RNF220: variants seen among roughly 807,000 people sequenced by gnomAD.
RNF220 encodes the protein E3 ubiquitin-protein ligase RNF220.
Under a neutral mutation model 67.1 loss-of-function variants are expected in RNF220, and 7 were observed. The ratio of observed to expected loss-of-function variants is 0.10; its 90% CI spans 0.06 to 0.20. The LOEUF (loss-of-function observed/expected upper bound fraction) is 0.20, where lower values mean the gene tolerates loss of function less well. Among genes scored for constraint, RNF220 ranks in the 10% least tolerant of loss-of-function variants. RNF220 has a pLI of 1.00. For synonymous variants in RNF220, 270 were observed against 283.2 expected (o/e 0.95, Z 0.47); for missense variants, 565 against 740.3 (o/e 0.76, Z 2.75).
chr1:44,456,010 T>C (rs1349232910), intron 2 of RNF220, among the ~76,000 whole-genome samples: 1 of 152,178 alleles, frequency 6.6e-6, no homozygotes, highest in African/African-American at 2.4e-5. Flanking sequence ...CCTCTAGCTT[T>C]CAGATCTTGT....
intron 2 of RNF220, among the ~76,000 whole-genome samples, chr1:44,601,759 G>A (rs556092265): frequency 2.0e-5 from 3 of 152,310 alleles, no homozygotes; most frequent in East Asian, 3.9e-4. Context: ...TGGGAAAGAG[G>A]AGACGGAGCT....
intron 2 of RNF220, among the ~76,000 whole-genome samples, chr1:44,467,670 T>C (rs1274279101): frequency 2.0e-5 from 3 of 152,222 alleles, no homozygotes; most frequent in Non-Finnish European, 4.4e-5. Context: ...GCAATAAGAC[T>C]GTTTCATTTC....
intron 2 of RNF220, among the ~76,000 whole-genome samples, chr1:44,462,562 CA>C (rs1653882524): frequency 6.6e-6 from 1 of 152,124 alleles, no homozygotes; most frequent in East Asian, 1.9e-4. Context: ...ATTTATATAA[CA>C]GTACTAGTAA....
intron 2 of RNF220, among the ~76,000 whole-genome samples, chr1:44,443,604 T>A (rs546904636): frequency 6.6e-6 from 1 of 152,238 alleles, no homozygotes; most frequent in Non-Finnish European, 1.5e-5. Context: ...TTTCTCACCA[T>A]TCTCCTCTTA....
intron 1 of RNF220, among the ~76,000 whole-genome samples, chr1:44,407,643 T>C (rs913222370): frequency 3.3e-5 from 5 of 151,996 alleles, no homozygotes; most frequent in African/African-American, 4.8e-5. Flanking sequence ...ACACCTGTTC[T>C]GCGAGCCGCG....
At chr1:44,475,750 A>T (rs1243945345) in intron 2 of RNF220, among the ~76,000 whole-genome samples, 2 of 147,042 alleles carry the variant, frequency 1.4e-5, no homozygotes, top group African/African-American at 5.4e-5. Context: ...GCAGTGGCTC[A>T]CACCTGTAAT....
chr1:44,502,052 AACACACACACACACACAC>A lies in RNF220; in HGVS notation c.625+89361_625+89378del, dbSNP rs56978327. Among the ~76,000 whole-genome samples, 370 of 121,850 alleles carry A rather than the reference AACACACACACACACACAC, an allele frequency of 3.0e-3. 3 individuals are homozygous for A. The highest frequency in any genetic ancestry group is 0.011 in the African/African-American group (332 of 31,502). The allele number at this position is 121,850 out of a possible 152,430, so 79.9% of individuals were successfully genotyped here. A position where few individuals can be genotyped will look rare whatever the true frequency, so the allele number is the denominator to read the frequency against. On this transcript the variant is annotated intron_variant, in intron 2 of 14. Coordinates refer to ENST00000361799, the MANE Select transcript of RNF220 (RefSeq NM_018150.4). ...TCCCCAGCTGACTTCACACCACTGA[AACACACACACACACACAC>A]ACACACACACACACACACACACACA... is the stretch of plus-strand genomic sequence containing the variant.
chr1:44,489,584 A>G (rs1400493602), intron 2 of RNF220, among the ~76,000 whole-genome samples: 1 of 152,242 alleles, frequency 6.6e-6, no homozygotes, highest in Non-Finnish European at 1.5e-5. Context: ...CCACATGAGG[A>G]TGACTTAGAT....
At chr1:44,594,405 C>A (rs796336281) in intron 2 of RNF220, among the ~76,000 whole-genome samples, 1 of 152,162 alleles carries the variant, frequency 6.6e-6, no homozygotes, top group African/African-American at 2.4e-5. Flanking sequence ...TGGAGCCCAT[C>A]GGGCAGAGCA....
At chr1:44,512,234 A>C (rs1355039400) in intron 2 of RNF220, among the ~76,000 whole-genome samples, 1 of 152,180 alleles carries the variant, frequency 6.6e-6, no homozygotes, top group Non-Finnish European at 1.5e-5. Flanking sequence ...CATGTAACTG[A>C]AAAAGCTGAT....
At chr1:44,579,050 G>A (rs1272742624) in intron 2 of RNF220, among the ~76,000 whole-genome samples, 2 of 151,908 alleles carry the variant, frequency 1.3e-5, no homozygotes, top group East Asian at 3.9e-4. Flanking sequence ...CAGCTACTCG[G>A]GAGGCTGAGG....
At chr1:44,535,522 G>T (rs1166112420) in intron 2 of RNF220, among the ~76,000 whole-genome samples, 1 of 152,206 alleles carries the variant, frequency 6.6e-6, no homozygotes, top group Non-Finnish European at 1.5e-5. Context: ...TTTGAGAGGA[G>T]CCCAGAGCCC....
intron 2 of RNF220, among the ~76,000 whole-genome samples, chr1:44,548,843 CAT>C (rs1038409053): frequency 2.0e-5 from 3 of 152,182 alleles, no homozygotes; most frequent in African/African-American, 7.2e-5. Flanking sequence ...CCCCTCCAAA[CAT>C]AAGTGGAAAC....
chr1:44,548,317 C>A (rs1662342146), intron 2 of RNF220, among the ~76,000 whole-genome samples: 1 of 152,170 alleles, frequency 6.6e-6, no homozygotes, highest in Non-Finnish European at 1.5e-5. Flanking sequence ...TAAAACGTGA[C>A]TCTAACACCT....
At position 44,467,360 on chromosome 1, in the gene RNF220, C is replaced by T. The variant is rs554341549; in HGVS notation, c.625+54638C>T. On this transcript the variant is annotated intron_variant, in intron 2 of 14. Coordinates refer to ENST00000361799, the MANE Select transcript of RNF220 (RefSeq NM_018150.4). ...CCGAGTAGCTGGGATTACAGGCATG[C>T]GCCACCACGCCCAGCTAATTTTGTA... Among the ~76,000 whole-genome samples, 8 of 152,322 alleles carry T rather than the reference C, an allele frequency of 5.3e-5. No homozygotes were observed. In the East Asian group the frequency reaches 5.8e-4, roughly 11 times the overall value.
At chr1:44,538,621 A>T (rs1661424074) in intron 2 of RNF220, among the ~76,000 whole-genome samples, 1 of 152,174 alleles carries the variant, frequency 6.6e-6, no homozygotes, top group South Asian at 2.1e-4. Context: ...GCCCTCTTAA[A>T]AAGCTCTATT....
chr1:44,436,762 G>A (rs1651014594), intron 2 of RNF220, among the ~76,000 whole-genome samples: 1 of 152,162 alleles, frequency 6.6e-6, no homozygotes, highest in South Asian at 2.1e-4. Context: ...TTCTCCTTAA[G>A]AAGCATGTGA....
chr1:44,502,134 G>GTC lies in RNF220; in HGVS notation c.625+89435_625+89436dup, dbSNP rs5773837. On this transcript the variant is annotated intron_variant, in intron 2 of 14. Transcript: ENST00000361799. ...GCTCCTGGCTGCAGTATGATCCTTT[G>GTC]TCTCTCTCTCTCTCTCTCTCTCTCA... Among the ~76,000 whole-genome samples, 726 of 111,760 alleles carry GTC rather than the reference G, an allele frequency of 6.5e-3. 6 individuals are homozygous for GTC. Among genetic ancestry groups the GTC allele is most frequent in the African/African-American group, 0.016 (462 of 28,288 alleles). 73.3% of individuals were successfully genotyped at this position (111,760 alleles called of 152,430 possible). A position where few individuals can be genotyped will look rare whatever the true frequency, so the allele number is the denominator to read the frequency against.
At chr1:44,490,035 G>A (rs1265463179) in intron 2 of RNF220, among the ~76,000 whole-genome samples, 2 of 151,730 alleles carry the variant, frequency 1.3e-5, no homozygotes, top group African/African-American at 4.8e-5. Flanking sequence ...GTTCTTTTTT[G>A]TTTTACACAT....
Sources: gnomAD v4.1 joint callset for allele counts (sites outside exome capture counted in the v4.1 genomes callset) on GRCh38, gnomAD v4.1.1 for gene constraint, MANE v1.5 for transcripts, NCBI Gene and HGNC (gene_info 2026-07-23, HGNC 2026-07-21) for gene names.